RSPO3: variants seen among roughly 807,000 people sequenced by gnomAD.
The protein encoded by RSPO3 is R-spondin 3, also known as R-spondin-3.
RSPO3 carries 17 observed loss-of-function variants against 36.5 expected under a neutral mutation model. That is an observed-to-expected ratio of 0.47 (90% CI 0.32 to 0.70). RSPO3 has a LOEUF of 0.70. RSPO3 is among the 30% of genes least tolerant of loss of function. The pLI is 0.04. For missense variants in RSPO3, 294 were observed against 322.5 expected, an observed-to-expected ratio of 0.91 and a Z score of 0.68; for synonymous variants, 108 against 107.0, an observed-to-expected ratio of 1.01 and a Z score of -0.06.
At chr6:127,146,708 C>T (rs1253698619) in intron 1 of RSPO3, among the ~76,000 whole-genome samples, 1 of 152,072 alleles carries the variant, frequency 6.6e-6, no homozygotes, top group Non-Finnish European at 1.5e-5. Context: ...TTCTTAAACC[C>T]AGAGTCTCTT....
intron 3 of RSPO3, among the ~76,000 whole-genome samples, chr6:127,151,295 A>G (rs1339353933): frequency 6.6e-6 from 1 of 152,028 alleles, no homozygotes; most frequent in Non-Finnish European, 1.5e-5. Flanking sequence ...GGTCCCTCAG[A>G]CAAGTTGTTT....
At chr6:127,121,913 G>A (rs1160560860) in intron 1 of RSPO3, among the ~76,000 whole-genome samples, 1 of 152,162 alleles carries the variant, frequency 6.6e-6, no homozygotes, top group East Asian at 1.9e-4. Flanking sequence ...CTTCTGGCCT[G>A]TAGTTATATA....
At chr6:127,174,527 G>T (rs1000733020) in intron 4 of RSPO3, among the ~76,000 whole-genome samples, 1 of 151,796 alleles carries the variant, frequency 6.6e-6, no homozygotes, top group Non-Finnish European at 1.5e-5. Context: ...TTAAGAAACT[G>T]CTTCTGTGCT....
intron 1 of RSPO3, among the ~76,000 whole-genome samples, chr6:127,122,191 G>A (rs1033804871): frequency 1.3e-5 from 2 of 152,136 alleles, no homozygotes; most frequent in South Asian, 4.1e-4. Context: ...ATATAAACTA[G>A]TGATCCTAGT....
chr6:127,149,936 G>C (rs1221388154), intron 2 of RSPO3, among the ~76,000 whole-genome samples: 1 of 151,840 alleles, frequency 6.6e-6, no homozygotes, highest in Non-Finnish European at 1.5e-5. Context: ...CCTCTCCTAG[G>C]ATGTAAACTT....
At chr6:127,145,516 C>A (rs1435978937) in intron 1 of RSPO3, among the ~76,000 whole-genome samples, 2 of 152,090 alleles carry the variant, frequency 1.3e-5, no homozygotes, top group African/African-American at 2.4e-5. Flanking sequence ...TTTTATACTT[C>A]CAATCTTCTT....
chr6:127,142,274 T>C (rs1418895754), intron 1 of RSPO3, among the ~76,000 whole-genome samples: 3 of 152,202 alleles, frequency 2.0e-5, no homozygotes, highest in Non-Finnish European at 4.4e-5. Context: ...TGTGGAGACC[T>C]AGCCATTGTC....
chr6:127,190,266 T>A (rs1337159595), intron 4 of RSPO3, among the ~76,000 whole-genome samples: 1 of 151,898 alleles, frequency 6.6e-6, no homozygotes, highest in African/African-American at 2.4e-5. Flanking sequence ...CCATCTCTAC[T>A]AAAAATACAA....
chr6:127,163,969 C>A (rs146517189), intron 4 of RSPO3, among the ~76,000 whole-genome samples: 111 of 152,222 alleles, frequency 7.3e-4, no homozygotes, highest in African/African-American at 2.2e-3. Context: ...TCAGCTCACA[C>A]TGCCTTCATT....
chr6:127,124,245 T>A (rs577398356), intron 1 of RSPO3, among the ~76,000 whole-genome samples: 157 of 152,236 alleles, frequency 1.0e-3, no homozygotes, highest in Non-Finnish European at 1.8e-3. Context: ...TTTGGACATA[T>A]CTTGATCTCT....
chr6:127,171,165 T>C (rs1315124599), intron 4 of RSPO3, among the ~76,000 whole-genome samples: 4 of 151,868 alleles, frequency 2.6e-5, no homozygotes, highest in African/African-American at 9.7e-5. Context: ...TTCTAAAACC[T>C]CTTTTATATT....
At chr6:127,144,405 T>C (rs1774338421) in intron 1 of RSPO3, among the ~76,000 whole-genome samples, 3 of 152,166 alleles carry the variant, frequency 2.0e-5, no homozygotes, top group Non-Finnish European at 4.4e-5. Flanking sequence ...AGGCTATTCC[T>C]TTGAGTTCAA....
rs1213748232 is a variant in RSPO3 at position 127,197,509 on chromosome 6, A to C, written c.*1502A>C. ...CCCCTTGCAGGAGGAGGTATCTCTG[A>C]GTGTGCAGCACAGAATCGCATGACC... On this transcript the variant is annotated 3_prime_UTR_variant, in exon 5 of 5. Coordinates refer to ENST00000356698, the MANE Select transcript of RSPO3 (RefSeq NM_032784.5). The C allele has an allele frequency of 1.3e-6, 2 of 1,550,526 alleles. No individual in the cohort carries two copies. The highest frequency in any genetic ancestry group is 1.7e-6 in the Non-Finnish European group (2 of 1,146,960).
intron 1 of RSPO3, among the ~76,000 whole-genome samples, chr6:127,146,237 G>T (rs571257343): frequency 3.9e-5 from 6 of 152,002 alleles, no homozygotes; most frequent in African/African-American, 1.4e-4. Flanking sequence ...GGGACAACTA[G>T]GTCTTTCTTG....
chr6:127,174,258 G>T (rs956433917), intron 4 of RSPO3, among the ~76,000 whole-genome samples: 4 of 151,878 alleles, frequency 2.6e-5, no homozygotes, highest in African/African-American at 7.2e-5. Flanking sequence ...CAGATTTTCA[G>T]AATTAAGATG....
At position 127,197,451 on chromosome 6, in the gene RSPO3, GC is replaced by G; in HGVS notation, c.*1446del. Reference sequence around the variant, plus strand: ...GGGATTGAAGTCACCCTAGCTGAAGGCCTCACCAGTGTTTCACAGAGGACAC... The same window carrying G: ...GGGATTGAAGTCACCCTAGCTGAAGGCTCACCAGTGTTTCACAGAGGACAC... On this transcript the variant is annotated 3_prime_UTR_variant, in exon 5 of 5. Transcript: ENST00000356698. 1.3e-6 allele frequency: 2 copies of G among 1,550,488 alleles called. No homozygotes were observed. Among genetic ancestry groups the G allele is most frequent in the Non-Finnish European group, 1.7e-6 (2 of 1,146,954 alleles).
Position 127,164,154 on chromosome 6 carries a change from A to G in RSPO3, c.634+8716A>G, listed in dbSNP as rs560828882. On this transcript the variant is annotated intron_variant, in intron 4 of 4. Transcript: ENST00000356698. ...CATCCAATCTCACGAAAGGATTCCA[A>G]TGGACCCTACTTTGAATCACTGTGG... Among the ~76,000 whole-genome samples, 96 of 152,144 alleles carry G rather than the reference A, an allele frequency of 6.3e-4. 2 individuals carry two copies. The highest frequency in any genetic ancestry group is 2.3e-3 in the African/African-American group (95 of 41,548).
At chr6:127,159,371 A>T (rs920760130) in intron 4 of RSPO3, among the ~76,000 whole-genome samples, 5 of 152,306 alleles carry the variant, frequency 3.3e-5, no homozygotes, top group Admixed American at 6.5e-5. Flanking sequence ...AGGAGAGAGA[A>T]GAGCAGAGCA....
intron 3 of RSPO3, among the ~76,000 whole-genome samples, chr6:127,153,475 C>T (rs1774530454): frequency 6.6e-6 from 1 of 151,994 alleles, no homozygotes; most frequent in African/African-American, 2.4e-5. Context: ...GAACTTTTTA[C>T]TACCTAAACT....
Sources: allele counts gnomAD v4.1 joint callset (sites outside exome capture counted in the v4.1 genomes callset), GRCh38; gene constraint gnomAD v4.1.1; transcripts MANE v1.5; gene names NCBI Gene and HGNC (gene_info 2026-07-23, HGNC 2026-07-21).